VIP: variants seen among roughly 807,000 people sequenced by gnomAD.
VIP encodes the protein VIP peptides.
Under a neutral mutation model 20.1 loss-of-function variants are expected in VIP, and 18 were observed. That is an observed-to-expected ratio of 0.90 (90% confidence interval 0.62 to 1.33). The LOEUF (loss-of-function observed/expected upper bound fraction) is 1.33, where lower values mean the gene tolerates loss of function less well. VIP is among the 40% of genes most tolerant of loss of function. The probability of loss-of-function intolerance (pLI) is 0.00; values close to 1 mark genes in which losing one functional copy is unlikely to be tolerated. For synonymous variants in VIP, 70 were observed against 68.1 expected (o/e 1.03, Z -0.14); for missense variants, 209 against 199.4 (o/e 1.05, Z -0.29).
Position 152,754,159 on chromosome 6 carries a change from C to T in VIP, c.108-7C>T, listed in dbSNP as rs760291427. On this transcript the variant is annotated splice_region_variant and splice_polypyrimidine_tract_variant and intron_variant, in intron 2 of 6. Coordinates refer to ENST00000367244, the MANE Select transcript of VIP (RefSeq NM_003381.4). ...ATGTATTATTCTCGTGTAACTTTCC[C>T]CATCAGGTTGGGTGACAGAATACCC... 1.1e-5 allele frequency: 18 copies of T among 1,606,876 alleles called. No homozygotes were observed. The highest frequency in any genetic ancestry group is 3.3e-4 in the Middle Eastern group (2 of 6,028).
intron 6 of VIP, among the ~76,000 whole-genome samples, chr6:152,757,862 TG>T (rs1012292900): frequency 3.3e-5 from 5 of 151,970 alleles, no homozygotes; most frequent in African/African-American, 9.7e-5. Context: ...TATATAAATG[TG>T]GGTTCAAGAC....
At chr6:152,758,017 T>C (rs1426211433) in intron 6 of VIP, among the ~76,000 whole-genome samples, 1 of 152,008 alleles carries the variant, frequency 6.6e-6, no homozygotes, top group Non-Finnish European at 1.5e-5. Flanking sequence ...GTAAAATATG[T>C]TTGGCTTTGT....
chr6:152,752,705 T>C (rs377237776), intron 2 of VIP, among the ~76,000 whole-genome samples: 10 of 152,146 alleles, frequency 6.6e-5, no homozygotes, highest in African/African-American at 2.4e-4. Flanking sequence ...ATAAGACTAG[T>C]AGTTGATTAG....
At chr6:152,757,289 C>A in intron 6 of VIP, 105 bp downstream of exon 6, 1 of 698,392 alleles carries the variant, frequency 1.4e-6, no homozygotes, top group Non-Finnish European at 2.4e-6. Context: ...AATAGTTTCT[C>A]ATCATGAGAC....
intron 4 of VIP, 42 bp downstream of exon 4, chr6:152,755,415 T>C: frequency 8.0e-7 from 1 of 1,244,236 alleles, no homozygotes. Context: ...GTTATCATTA[T>C]TCAATCTGAA....
In VIP at chr6:152,759,062, A is replaced by G. The variant is rs561159587; in HGVS notation, c.*196A>G. ...CTAATGTAATAACTGTGAAGTTTAC[A>G]TTGTAAATAGTATTTGAGAGTTCTA... On this transcript the variant is annotated 3_prime_UTR_variant, in exon 7 of 7. Coordinates refer to ENST00000367244, the MANE Select transcript of VIP (RefSeq NM_003381.4). 1.3e-5 allele frequency: 2 copies of G among 152,596 alleles called. No homozygotes were observed. Among genetic ancestry groups the G allele is most frequent in the South Asian group, 4.1e-4 (2 of 4,826 alleles). 9.5% of individuals were successfully genotyped at this position (152,596 alleles called of 1,614,324 possible).
intron 2 of VIP, 130 bp from the exon 3 acceptor site, chr6:152,754,036 T>C: frequency 3.0e-6 from 3 of 1,013,618 alleles, no homozygotes; most frequent in Non-Finnish European, 4.2e-6. Flanking sequence ...AGTCAAATTA[T>C]GCTATTCTCA....
intron 6 of VIP, among the ~76,000 whole-genome samples, chr6:152,757,420 A>T (rs1224080822): frequency 6.6e-6 from 1 of 151,908 alleles, no homozygotes; most frequent in East Asian, 1.9e-4. Flanking sequence ...ACGTTTTGAG[A>T]TCTGAATAGT....
chr6:152,757,912 T>G (rs1425118923), intron 6 of VIP, among the ~76,000 whole-genome samples: 1 of 151,978 alleles, frequency 6.6e-6, no homozygotes, highest in African/African-American at 2.4e-5. Context: ...AATATTCACA[T>G]TCGCTCATAA....
intron 2 of VIP, among the ~76,000 whole-genome samples, 200 bp from the exon 3 acceptor site, chr6:152,753,966 C>CTACTTTATAGGA (rs1472184401): frequency 2.9e-4 from 44 of 152,096 alleles, no homozygotes; most frequent in African/African-American, 1.0e-3. Flanking sequence ...CATATGGCAT[C>CTACTTTATAGGA]TACTTTATAG....
At chr6:152,756,075 G>A (rs2099730382) in intron 4 of VIP, 59 bp from the exon 5 acceptor site, 25 of 1,427,198 alleles carry the variant, frequency 1.8e-5, no homozygotes, top group Non-Finnish European at 2.3e-5. Flanking sequence ...CCTGGAACAT[G>A]TGTGTATTTA....
Position 152,754,806 on chromosome 6 carries a change from G to C in VIP, c.231-463G>C, listed in dbSNP as rs114600307. Among the ~76,000 whole-genome samples the C allele has an allele frequency of 4.9e-3, 737 of 151,364 alleles. 5 individuals carry two copies. The highest frequency in any genetic ancestry group is 0.017 in the African/African-American group (706 of 41,306). On this transcript the variant is annotated intron_variant, in intron 3 of 6. Transcript: ENST00000367244. ...TGCCTTCTCTATCTTAAGAGATTTT[G>C]TTTCCAAATATTTTGGAAAAAGAAA...
rs894925878 is a variant in VIP at position 152,752,414 on chromosome 6, T to C, written c.107+130T>C. ...GTATTTAAATTTTTCCTTGATGTGT[T>C]GAGTGAGAGGTGTTTGTCAACATCA... is the stretch of plus-strand genomic sequence containing the variant. On this transcript the variant is annotated intron_variant, in intron 2 of 6. Transcript: ENST00000367244. 3 of 685,074 alleles carry C rather than the reference T, an allele frequency of 4.4e-6. No individual in the cohort carries two copies. The Admixed American group carries it at 8.9e-5, about 20-fold the overall frequency. The allele number at this position is 685,074 out of a possible 1,614,324, so 42.4% of individuals were successfully genotyped here.
intron 5 of VIP, among the ~76,000 whole-genome samples, chr6:152,756,860 G>A (rs1295606983): frequency 1.3e-5 from 2 of 151,798 alleles, no homozygotes; most frequent in Non-Finnish European, 2.9e-5. Flanking sequence ...CTGTTTGGGT[G>A]TGATCAGACA....
At chr6:152,756,783 A>T (rs1011336035) in intron 5 of VIP, among the ~76,000 whole-genome samples, 1 of 151,920 alleles carries the variant, frequency 6.6e-6, no homozygotes, top group African/African-American at 2.4e-5. Flanking sequence ...ACAATACATA[A>T]ACAGTGTAGT....
chr6:152,755,457 CTTTG>C (rs2099730288), intron 4 of VIP, 84 bp downstream of exon 4: 1 of 881,696 alleles, frequency 1.1e-6, no homozygotes, highest in Non-Finnish European at 1.6e-6. Flanking sequence ...AAGTTATTTA[CTTTG>C]TTTGAAATTG....
At chr6:152,755,178 G>A (rs530282397) in intron 3 of VIP, 91 bp from the exon 4 acceptor site, 2 of 735,782 alleles carry the variant, frequency 2.7e-6, no homozygotes, top group South Asian at 5.1e-5. Context: ...TTCATAATAA[G>A]CCCATAATTT....
Position 152,757,170 on chromosome 6 carries a change from G to T in VIP, c.*29G>T. On this transcript the variant is annotated 3_prime_UTR_variant, in exon 6 of 7. Transcript: ENST00000367244. Reference sequence around the variant, plus strand: ...AAAAGACCTTTGGAGCAAAGCTGATGACAACTTCCCAGTGGTGGGTATATT... The same window carrying T: ...AAAAGACCTTTGGAGCAAAGCTGATTACAACTTCCCAGTGGTGGGTATATT... 6.2e-7 allele frequency: 1 copy of T among 1,608,370 alleles called. No homozygotes were observed. The highest frequency in any genetic ancestry group is 1.1e-5 in the South Asian group (1 of 90,588).
intron 1 of VIP, among the ~76,000 whole-genome samples, chr6:152,751,963 G>A (rs2099729717): frequency 6.6e-6 from 1 of 152,068 alleles, no homozygotes; most frequent in Admixed American, 6.6e-5. Flanking sequence ...CAGGTGAAAA[G>A]GATTCTAATT....
Sources: gnomAD v4.1 joint callset for allele counts (sites outside exome capture counted in the v4.1 genomes callset) on GRCh38, gnomAD v4.1.1 for gene constraint, MANE v1.5 for transcripts, NCBI Gene and HGNC (gene_info 2026-07-23, HGNC 2026-07-21) for gene names.